Variants in DGKB observed in about 807,000 individuals in gnomAD.
DGKB encodes diacylglycerol kinase beta.
A neutral mutation model predicts 114.3 loss-of-function variants in DGKB; 67 were observed. The ratio of observed to expected loss-of-function variants is 0.59; its 90% CI spans 0.48 to 0.72. The LOEUF is 0.72. DGKB is among the 30% of genes least tolerant of loss of function. The pLI, the probability that DGKB is intolerant of heterozygous loss-of-function variation, is 0.00. For synonymous variants in DGKB, 398 were observed against 323.1 expected (o/e 1.23, Z -2.49); for missense variants, 907 against 975.2 (o/e 0.93, Z 0.93).
intron 13 of DGKB, among the ~76,000 whole-genome samples, chr7:14,658,048 C>A (rs562392566): frequency 2.0e-5 from 3 of 151,852 alleles, no homozygotes; most frequent in African/African-American, 7.3e-5. Flanking sequence ...GACTTAATCA[C>A]CATATTTACA....
At chr7:14,920,026 A>G (rs1001125543) in intron 1 of DGKB, among the ~76,000 whole-genome samples, 2 of 152,234 alleles carry the variant, frequency 1.3e-5, no homozygotes, top group African/African-American at 4.8e-5. Context: ...ATTCATTTAT[A>G]GCAATACAAA....
At chr7:14,663,380 C>T (rs1025711406) in intron 13 of DGKB, among the ~76,000 whole-genome samples, 4 of 151,852 alleles carry the variant, frequency 2.6e-5, no homozygotes, top group African/African-American at 9.7e-5. Flanking sequence ...GGTCTCTTGC[C>T]CTTTTCAACT....
chr7:14,740,667 A>C (rs1174502392), intron 4 of DGKB, among the ~76,000 whole-genome samples: 3 of 152,130 alleles, frequency 2.0e-5, no homozygotes, highest in Non-Finnish European at 4.4e-5. Context: ...TGATTAAGCC[A>C]AGCCTCCCAT....
intron 21 of DGKB, among the ~76,000 whole-genome samples, chr7:14,367,022 A>G (rs1056291361): frequency 1.3e-5 from 2 of 152,098 alleles, no homozygotes; most frequent in Admixed American, 1.3e-4. Context: ...AACAAACACT[A>G]CACTTCAGGT....
Position 14,753,916 on chromosome 7 carries a change from A to G in DGKB, c.168+12T>C. ...GAAAAGACAGACTTTAATAGAAAAGAAAATGTCTTACTTGGTTAAGAATGT... is the reference window on the plus strand; with the variant it reads ...GAAAAGACAGACTTTAATAGAAAAGGAAATGTCTTACTTGGTTAAGAATGT... On this transcript the variant is annotated intron_variant, in intron 4 of 25. Coordinates refer to ENST00000402815, the MANE Select transcript of DGKB (RefSeq NM_001350709.2). The G allele has an allele frequency of 6.8e-7, 1 of 1,481,470 alleles. No homozygotes were observed. Among genetic ancestry groups the G allele is most frequent in the Non-Finnish European group, 9.2e-7 (1 of 1,081,148 alleles). 91.8% of individuals were successfully genotyped at this position (1,481,470 alleles called of 1,614,324 possible).
chr7:14,937,874 C>T lies in DGKB; in HGVS notation c.-188+36822G>A, dbSNP rs549062442. Reference sequence around the variant, plus strand: ...ACTTAATGAATAGTAAATACACTTCCTCTTCTTTAATGATTTTCTTAATAA... The same window carrying T: ...ACTTAATGAATAGTAAATACACTTCTTCTTCTTTAATGATTTTCTTAATAA... On this transcript the variant is annotated intron_variant, in intron 1 of 4. Transcript: ENST00000437998. 4.7e-4 allele frequency among the ~76,000 whole-genome samples: 71 copies of T among 152,262 alleles called. 1 individual carries two copies. The highest frequency in any genetic ancestry group is 1.6e-3 in the African/African-American group (65 of 41,544).
chr7:14,883,296 A>G, intron 1 of DGKB, among the ~76,000 whole-genome samples: 1 of 151,932 alleles, frequency 6.6e-6, no homozygotes, highest in Non-Finnish European at 1.5e-5. Context: ...TTAAGGGTCT[A>G]TCTTCCCCTA....
chr7:14,574,315 A>T lies in DGKB; in HGVS notation c.1667T>A (p.Ile556Asn). 6.2e-7 allele frequency: 1 copy of T among 1,613,292 alleles called. No homozygotes were observed. The highest frequency in any genetic ancestry group is 8.5e-7 in the Non-Finnish European group (1 of 1,179,610). The change falls in exon 20 of 26, where the codon ATC becomes AAC. Residue 556 changes from isoleucine to asparagine, a missense_variant. Around this residue, in one of 3 missense-constraint regions of DGKB, gnomAD observed 814 missense variants for 856.6 expected, o/e 0.95. Coordinates refer to ENST00000402815, the MANE Select transcript of DGKB (RefSeq NM_001350709.2). ...ILKDIENSTE[I>N]MLDRWKFEVI... is the part of the protein sequence containing the mutation. Reference sequence around the variant, plus strand: ...TTCAAACTTCCACCTGTCCAACATGATTTCTGTGCTGTTTTCAATGTCTTT... The same window carrying T: ...TTCAAACTTCCACCTGTCCAACATGTTTTCTGTGCTGTTTTCAATGTCTTT...
chr7:14,937,859 T>C (rs1398306076), intron 1 of DGKB, among the ~76,000 whole-genome samples: 2 of 152,208 alleles, frequency 1.3e-5, no homozygotes, highest in African/African-American at 4.8e-5. Context: ...ACTTAATGAA[T>C]AGTAAATACA....
chr7:14,517,622 A>G (rs1789043781), intron 20 of DGKB, among the ~76,000 whole-genome samples: 1 of 152,138 alleles, frequency 6.6e-6, no homozygotes, highest in Admixed American at 6.6e-5. Flanking sequence ...CAAGGAAAAA[A>G]CAAAACACCT....
chr7:14,828,391 C>T (rs149186048), intron 2 of DGKB, among the ~76,000 whole-genome samples: 4 of 152,046 alleles, frequency 2.6e-5, no homozygotes, highest in South Asian at 2.1e-4. Flanking sequence ...AGGCAAAGAT[C>T]ATAAATCAAC....
chr7:14,409,713 CAAAAAA>C (rs1164493208), intron 21 of DGKB, among the ~76,000 whole-genome samples: 1 of 88,276 alleles, frequency 1.1e-5, no homozygotes, highest in African/African-American at 5.5e-5. Context: ...GACTCCGTCT[CAAAAAA>C]AAAAAAAAAA....
At chr7:14,896,651 G>A (rs550959675) in intron 1 of DGKB, among the ~76,000 whole-genome samples, 74 of 151,420 alleles carry the variant, frequency 4.9e-4, no homozygotes, top group Non-Finnish European at 8.6e-4. Flanking sequence ...TCATGATTAC[G>A]TCATTTAATT....
intron 18 of DGKB, among the ~76,000 whole-genome samples, chr7:14,581,762 G>A (rs996964248): frequency 2.0e-5 from 3 of 152,074 alleles, no homozygotes; most frequent in South Asian, 2.1e-4. Flanking sequence ...TGAAATAGCC[G>A]ACAATAAGAT....
At chr7:14,184,578 G>A (rs567682736) in intron 23 of DGKB, among the ~76,000 whole-genome samples, 258 of 152,096 alleles carry the variant, frequency 1.7e-3, no homozygotes, top group South Asian at 1.7e-3. Context: ...ACAAGTCCAG[G>A]GACCTGCAAA....
At chr7:14,598,083 T>C (rs995137238) in intron 17 of DGKB, among the ~76,000 whole-genome samples, 4 of 152,198 alleles carry the variant, frequency 2.6e-5, no homozygotes, top group Admixed American at 6.5e-5. Context: ...ACGTTTATAC[T>C]GATTTTATGA....
At chr7:14,248,228 A>AT (rs1242817219) in intron 23 of DGKB, among the ~76,000 whole-genome samples, 1 of 152,094 alleles carries the variant, frequency 6.6e-6, no homozygotes, top group Non-Finnish European at 1.5e-5. Flanking sequence ...TGCCAGTACT[A>AT]TACTGTTTTG....
intron 1 of DGKB, among the ~76,000 whole-genome samples, chr7:14,950,003 A>G (rs1441896997): frequency 1.3e-5 from 2 of 151,938 alleles, no homozygotes; most frequent in Admixed American, 1.3e-4. Context: ...CCTAATGTAA[A>G]TGATGAGTTA....
chr7:14,398,314 T>C (rs1822554779), intron 21 of DGKB, among the ~76,000 whole-genome samples: 1 of 152,028 alleles, frequency 6.6e-6, no homozygotes, highest in African/African-American at 2.4e-5. Flanking sequence ...CTTGAGACTG[T>C]CCTTGTGAAT....
Sources: allele counts gnomAD v4.1 joint callset (sites outside exome capture counted in the v4.1 genomes callset), GRCh38; gene constraint gnomAD v4.1.1; regional missense constraint gnomAD v4.1.1; transcripts MANE v1.5; gene names NCBI Gene and HGNC (gene_info 2026-07-23, HGNC 2026-07-21).